Variants in COG3 observed in about 807,000 individuals in gnomAD.
The protein encoded by COG3 is conserved oligomeric Golgi complex subunit 3.
COG3 carries 32 observed loss-of-function variants against 114.1 expected under a neutral mutation model. The ratio of observed to expected loss-of-function variants is 0.28; its 90% CI spans 0.21 to 0.38. COG3 has a LOEUF of 0.38. Ranked by LOEUF, COG3 falls within the 10% of genes least tolerant of loss-of-function variation. The pLI, the probability that COG3 is intolerant of heterozygous loss-of-function variation, is 1.00. For missense variants in COG3, 813 were observed against 973.2 expected, an observed-to-expected ratio of 0.84 and a Z score of 2.19; for synonymous variants, 352 against 365.7, an observed-to-expected ratio of 0.96 and a Z score of 0.43.
chr13:45,500,790 C>A (rs970993584), intron 13 of COG3, among the ~76,000 whole-genome samples: 1 of 152,188 alleles, frequency 6.6e-6, no homozygotes, highest in African/African-American at 2.4e-5. Context: ...ATTTACAACA[C>A]CACGTTGCAC....
Position 45,534,849 on chromosome 13 carries a change from C to T in COG3, c.*118C>T. 3.6e-6 allele frequency: 5 copies of T among 1,403,800 alleles called. No individual in the cohort carries two copies. The highest frequency in any genetic ancestry group is 2.4e-4 in the Middle Eastern group (1 of 4,112). The allele number at this position is 1,403,800 out of a possible 1,614,324, so 87.0% of individuals were successfully genotyped here. ...GGAACGTCCCCGAGAACCACACGAG[C>T]GTGCTGCTCAGTGCTGACTGCAGAA... On this transcript the variant is annotated 3_prime_UTR_variant, in exon 23 of 23. Transcript: ENST00000349995.
At chr13:45,519,152 T>A (rs1414747760) in intron 19 of COG3, 58 bp downstream of exon 19, 76 of 1,572,644 alleles carry the variant, frequency 4.8e-5, no homozygotes, top group Non-Finnish European at 6.2e-5. Flanking sequence ...TAGATTTCCT[T>A]TTGAATTACT....
intron 21 of COG3, among the ~76,000 whole-genome samples, chr13:45,530,400 T>C (rs538171696): frequency 6.2e-4 from 95 of 152,314 alleles, no homozygotes; most frequent in Non-Finnish European, 1.2e-3. Context: ...CTAGGAACTT[T>C]GTTATCTTTT....
chr13:45,479,761 C>T (rs1886132649), intron 3 of COG3, among the ~76,000 whole-genome samples: 1 of 152,162 alleles, frequency 6.6e-6, no homozygotes, highest in Non-Finnish European at 1.5e-5. Context: ...CATGACATCA[C>T]ACCATCTTTC....
chr13:45,495,145 CTTTT>C (rs56237113), intron 12 of COG3, among the ~76,000 whole-genome samples: 1 of 108,752 alleles, frequency 9.2e-6, no homozygotes. Context: ...CGCCTGGCCT[CTTTT>C]TTTTTTTTTT....
chr13:45,482,342 T>C, intron 5 of COG3, 39 bp from the exon 6 acceptor site: 1 of 1,086,710 alleles, frequency 9.2e-7, no homozygotes, highest in Non-Finnish European at 1.4e-6. Flanking sequence ...ATCTGTATCA[T>C]TTTTTATGAA....
At chr13:45,526,645 G>A (rs1351744498) in intron 20 of COG3, among the ~76,000 whole-genome samples, 1 of 152,184 alleles carries the variant, frequency 6.6e-6, no homozygotes, top group African/African-American at 2.4e-5. Context: ...GACAAGGAAC[G>A]TTCTATTGTC....
chr13:45,490,883 G>A (rs1362305945), intron 8 of COG3, 32 bp from the exon 9 acceptor site: 3 of 1,401,806 alleles, frequency 2.1e-6, no homozygotes, highest in Admixed American at 3.7e-5. Context: ...TAACAGAGAT[G>A]GTTTTTTGAT....
chr13:45,513,189 ATATATATATAATATATACATATAAAT>A lies in COG3; in HGVS notation c.1809+1346_1809+1371del, dbSNP rs1566265642. Among the ~76,000 whole-genome samples the A allele has an allele frequency of 1.7e-3, 212 of 122,042 alleles. 3 individuals are homozygous for A. The highest frequency in any genetic ancestry group is 8.1e-3 in the Middle Eastern group (2 of 246). The allele number at this position is 122,042 out of a possible 152,430, so 80.1% of individuals were successfully genotyped here. On this transcript the variant is annotated intron_variant, in intron 16 of 22. Transcript: ENST00000349995. Reference sequence around the variant, plus strand: ...AACGTGACTTTTAAGGCTTTTATATATATATATATAATATATACATATAAATTATATATATATAATATATACATATA... The same window carrying A: ...AACGTGACTTTTAAGGCTTTTATATATATATATATATAATATATACATATA...
At chr13:45,501,134 T>C (rs1869480068) in intron 13 of COG3, among the ~76,000 whole-genome samples, 1 of 152,244 alleles carries the variant, frequency 6.6e-6, no homozygotes, top group Non-Finnish European at 1.5e-5. Flanking sequence ...CACCGTGCAG[T>C]TACTCCTCTT....
rs553244250 is a variant in COG3 at position 45,497,591 on chromosome 13, C to G, written c.1488+1279C>G. 1.5e-3 allele frequency among the ~76,000 whole-genome samples: 222 copies of G among 152,212 alleles called. 2 individuals carry two copies. Among genetic ancestry groups the G allele is most frequent in the African/African-American group, 4.5e-3 (188 of 41,532 alleles). On this transcript the variant is annotated intron_variant, in intron 13 of 22. Transcript: ENST00000349995. ...TTAATCTCAGGAGTTCAAGACCAGC[C>G]TGGGCAACATGGCAAGAAACCCCAT... is the stretch of plus-strand genomic sequence containing the variant.
chr13:45,525,111 T>C (rs975051933), intron 20 of COG3, 60 bp downstream of exon 20: 1 of 1,352,990 alleles, frequency 7.4e-7, no homozygotes, highest in Non-Finnish European at 1.1e-6. Flanking sequence ...TGCATTTATA[T>C]AGTCCTTACT....
At chr13:45,530,634 G>A (rs367710099) in intron 21 of COG3, 48 bp from the exon 22 acceptor site, 95 of 1,099,918 alleles carry the variant, frequency 8.6e-5, no homozygotes, top group Non-Finnish European at 1.2e-4. Context: ...ATGGTGCTTC[G>A]TGTTTAAGAC....
chr13:45,496,708 C>G (rs1249257068), intron 13 of COG3, among the ~76,000 whole-genome samples: 1 of 151,924 alleles, frequency 6.6e-6, no homozygotes, highest in East Asian at 1.9e-4. Flanking sequence ...GAGTCTTGCT[C>G]TGTCGCCCAG....
At chr13:45,524,690 T>C (rs1025716536) in intron 19 of COG3, among the ~76,000 whole-genome samples, 2 of 152,152 alleles carry the variant, frequency 1.3e-5, no homozygotes, top group African/African-American at 4.8e-5. Context: ...GTCTTCCTAG[T>C]GGGAAGTATT....
intron 13 of COG3, among the ~76,000 whole-genome samples, chr13:45,502,226 C>T (rs1011374403): frequency 6.6e-6 from 1 of 152,122 alleles, no homozygotes; most frequent in Non-Finnish European, 1.5e-5. Flanking sequence ...CCTTTTCCTC[C>T]CGTCCTGGCC....
chr13:45,524,620 G>T (rs565970439), intron 19 of COG3, among the ~76,000 whole-genome samples: 1 of 152,150 alleles, frequency 6.6e-6, no homozygotes, highest in African/African-American at 2.4e-5. Context: ...TAATATTGAC[G>T]TAACAGTCCC....
chr13:45,503,078 C>G (rs1869717007), intron 13 of COG3, among the ~76,000 whole-genome samples, 166 bp from the exon 14 acceptor site: 1 of 152,158 alleles, frequency 6.6e-6, no homozygotes, highest in South Asian at 2.1e-4. Context: ...TGGCCAGTTA[C>G]TTGAACAAAA....
At chr13:45,531,033 AG>A in intron 22 of COG3, 1 of 1,080,330 alleles carries the variant, frequency 9.3e-7, no homozygotes, top group Non-Finnish European at 1.1e-6. Flanking sequence ...TGTGTTTAAG[AG>A]AATGACCTGT....
Sources: gnomAD v4.1 joint callset for allele counts (sites outside exome capture counted in the v4.1 genomes callset) on GRCh38, gnomAD v4.1.1 for gene constraint, MANE v1.5 for transcripts, NCBI Gene and HGNC (gene_info 2026-07-23, HGNC 2026-07-21) for gene names.